Variants in RANBP17 observed in about 807,000 individuals in gnomAD.
The protein encoded by RANBP17 is ran-binding protein 17.
RANBP17 carries 158 observed loss-of-function variants against 141.2 expected under a neutral mutation model. The observed-to-expected ratio is 1.12, with a 90% confidence interval of 0.98 to 1.28. The LOEUF is 1.28. RANBP17 is among the 50% of genes most tolerant of loss of function. RANBP17 has a pLI of 0.00. For missense variants in RANBP17, 1,438 were observed against 1,290.7 expected (o/e 1.11, Z -1.75); for synonymous variants, 430 against 450.0 (o/e 0.96, Z 0.56).
In RANBP17 at chr5:171,265,714, T is replaced by C; in HGVS notation, c.2810T>C (p.Leu937Ser). ...GTCTCCTCCAGCTGCTGTACCAGTT[T>C]AGACTACATCGTCACCTACCTCTTC... ...TVVSSSCCTS[L>S]DYIVTYLFKH... Residue 937 changes from leucine to serine, a missense_variant, in exon 25 of 28, where the codon TTA becomes TCA. Transcript: ENST00000523189. 6.2e-7 allele frequency: 1 copy of C among 1,614,084 alleles called. No homozygotes were observed. Among genetic ancestry groups the C allele is most frequent in the Non-Finnish European group, 8.5e-7 (1 of 1,180,002 alleles).
At position 170,945,713 on chromosome 5, in the gene RANBP17, G is replaced by A. The variant is rs144262694; in HGVS notation, c.1469-7884G>A. Reference sequence around the variant, plus strand: ...ATGTTTTATCAAGGGCTAATAGGCAGGTATTTCTATGTTTACATTATTGGT... The same window carrying A: ...ATGTTTTATCAAGGGCTAATAGGCAAGTATTTCTATGTTTACATTATTGGT... On this transcript the variant is annotated intron_variant, in intron 12 of 27. Coordinates refer to ENST00000523189, the MANE Select transcript of RANBP17 (RefSeq NM_022897.5). Among the ~76,000 whole-genome samples the A allele has an allele frequency of 2.5e-3, 381 of 152,190 alleles. 5 individuals are homozygous for A. Among genetic ancestry groups the A allele is most frequent in the African/African-American group, 7.7e-3 (319 of 41,534 alleles).
chr5:171,188,836 C>T (rs1279925609), intron 18 of RANBP17, among the ~76,000 whole-genome samples: 2 of 152,174 alleles, frequency 1.3e-5, no homozygotes, highest in African/African-American at 4.8e-5. Context: ...CTTATTACTG[C>T]ATTGATAATT....
intron 14 of RANBP17, among the ~76,000 whole-genome samples, chr5:171,063,517 G>A (rs1377745773): frequency 6.6e-6 from 1 of 152,168 alleles, no homozygotes; most frequent in African/African-American, 2.4e-5. Context: ...TCGTTCCTCT[G>A]GAATTTTTGT....
At chr5:170,960,354 A>T (rs1026184043) in intron 13 of RANBP17, among the ~76,000 whole-genome samples, 1 of 152,074 alleles carries the variant, frequency 6.6e-6, no homozygotes, top group Non-Finnish European at 1.5e-5. Flanking sequence ...CTAAACACCT[A>T]TTGGGCTGTT....
intron 14 of RANBP17, among the ~76,000 whole-genome samples, chr5:171,008,846 A>T (rs1421111303): frequency 6.6e-6 from 1 of 152,204 alleles, no homozygotes; most frequent in Admixed American, 6.5e-5. Flanking sequence ...GAGGCCTGAC[A>T]TACTGACCTT....
chr5:170,915,307 G>A (rs1256712701), intron 8 of RANBP17, among the ~76,000 whole-genome samples: 3 of 152,088 alleles, frequency 2.0e-5, no homozygotes, highest in African/African-American at 7.2e-5. Context: ...TCCTCAAAGT[G>A]GCCCTGAAAG....
chr5:170,874,218 T>G (rs1460997049), intron 1 of RANBP17, among the ~76,000 whole-genome samples: 1 of 152,204 alleles, frequency 6.6e-6, no homozygotes, highest in East Asian at 1.9e-4. Context: ...TGATTTCAGT[T>G]CTTTTGTATT....
chr5:171,129,858 T>C (rs999276274), intron 14 of RANBP17, among the ~76,000 whole-genome samples: 1 of 152,206 alleles, frequency 6.6e-6, no homozygotes, highest in African/African-American at 2.4e-5. Context: ...TAGAACAGGA[T>C]AGGCCCCCAG....
At chr5:170,889,074 G>A (rs1259180402) in intron 3 of RANBP17, among the ~76,000 whole-genome samples, 1 of 150,424 alleles carries the variant, frequency 6.6e-6, no homozygotes, top group Non-Finnish European at 1.5e-5. Context: ...TTTTTTTGTA[G>A]TTTCTTTTTG....
chr5:171,102,024 A>AT (rs1208954931), intron 14 of RANBP17, among the ~76,000 whole-genome samples: 1 of 151,672 alleles, frequency 6.6e-6, no homozygotes, highest in Non-Finnish European at 1.5e-5. Flanking sequence ...TGCCCTTAAC[A>AT]TTTTTTCCTT....
At chr5:171,286,857 G>A (rs1490646715) in intron 25 of RANBP17, among the ~76,000 whole-genome samples, 4 of 152,326 alleles carry the variant, frequency 2.6e-5, no homozygotes, top group Non-Finnish European at 5.9e-5. Context: ...AGGGCATGGG[G>A]CTTAGGTGAA....
At chr5:171,222,015 G>T (rs904352223) in intron 22 of RANBP17, among the ~76,000 whole-genome samples, 175 bp downstream of exon 22, 1 of 152,226 alleles carries the variant, frequency 6.6e-6, no homozygotes, top group African/African-American at 2.4e-5. Flanking sequence ...GAAGTAAGCA[G>T]CATGCCTTTG....
chr5:171,247,120 A>C (rs940592718), intron 24 of RANBP17, among the ~76,000 whole-genome samples: 2 of 152,204 alleles, frequency 1.3e-5, no homozygotes, highest in Non-Finnish European at 2.9e-5. Flanking sequence ...CTAAGATCAT[A>C]AAACTAATAA....
chr5:171,046,206 T>C (rs1306550729), intron 14 of RANBP17, among the ~76,000 whole-genome samples: 1 of 125,368 alleles, frequency 8.0e-6, no homozygotes, highest in East Asian at 2.4e-4. Context: ...TAGTTCTGCC[T>C]TTTTTTTTTT....
intron 14 of RANBP17, among the ~76,000 whole-genome samples, chr5:171,138,254 C>A (rs1757452325): frequency 6.6e-6 from 1 of 152,102 alleles, no homozygotes; most frequent in Non-Finnish European, 1.5e-5. Context: ...TTTCTTGAAT[C>A]TGCCAGAGAA....
At chr5:170,880,905 T>C (rs1458424186) in intron 2 of RANBP17, among the ~76,000 whole-genome samples, 4 of 152,190 alleles carry the variant, frequency 2.6e-5, no homozygotes, top group African/African-American at 7.2e-5. Flanking sequence ...GCTACCTCAC[T>C]GTGGTTTATG....
chr5:170,919,376 AT>A, intron 10 of RANBP17, 64 bp from the exon 11 acceptor site: 1 of 1,100,272 alleles, frequency 9.1e-7, no homozygotes, highest in South Asian at 2.1e-5. Context: ...TAGTAATTTT[AT>A]TCTGTAATTC....
intron 14 of RANBP17, among the ~76,000 whole-genome samples, chr5:171,052,340 A>G (rs116169396): frequency 0.016 from 2,436 of 152,242 alleles, 35 homozygotes; most frequent in Non-Finnish European, 0.023. Context: ...AAGGTCATGA[A>G]GATTCATCCC....
At chr5:171,009,983 C>G (rs1440283431) in intron 14 of RANBP17, among the ~76,000 whole-genome samples, 3 of 152,006 alleles carry the variant, frequency 2.0e-5, no homozygotes. Context: ...GAATACAGCT[C>G]AAGCAGAAAT....
Sources: gnomAD v4.1 joint callset for allele counts (sites outside exome capture counted in the v4.1 genomes callset) on GRCh38, gnomAD v4.1.1 for gene constraint, MANE v1.5 for transcripts, NCBI Gene and HGNC (gene_info 2026-07-23, HGNC 2026-07-21) for gene names.